The following TANC2 variants were observed in gnomAD, a reference collection of about 807,000 sequenced individuals.
TANC2 encodes tetratricopeptide repeat, ankyrin repeat and coiled-coil containing 2.
TANC2 carries 26 observed loss-of-function variants against 210.5 expected under a neutral mutation model. The ratio of observed to expected loss-of-function variants is 0.12; its 90% confidence interval spans 0.09 to 0.17. The LOEUF is 0.17. TANC2 is among the 10% of genes least tolerant of loss of function. TANC2 has a pLI of 1.00. For missense variants in TANC2, 2,129 were observed against 2,608.9 expected, an observed-to-expected ratio of 0.82 and a Z score of 4.01; for synonymous variants, 931 against 967.1, an observed-to-expected ratio of 0.96 and a Z score of 0.69.
chr17:63,381,166 A>C (rs971736060), intron 15 of TANC2: 3 of 152,220 alleles, frequency 2.0e-5, no homozygotes, highest in Middle Eastern at 6.3e-3. Context: ...AGTAGCATGA[A>C]GCTTCATTTG....
chr17:63,045,152 C>T (rs898780743), intron 2 of TANC2, among the ~76,000 whole-genome samples: 4 of 152,202 alleles, frequency 2.6e-5, no homozygotes, highest in South Asian at 2.1e-4. Flanking sequence ...GAGATACAGA[C>T]GCACTCATTT....
intron 7 of TANC2, among the ~76,000 whole-genome samples, chr17:63,219,715 A>G (rs953533773): frequency 6.6e-5 from 10 of 151,996 alleles, no homozygotes; most frequent in African/African-American, 2.4e-4. Context: ...CCAGCCCACC[A>G]TGGTTTTTAG....
At chr17:63,207,677 T>C (rs973012559) in intron 7 of TANC2, among the ~76,000 whole-genome samples, 1 of 152,212 alleles carries the variant, frequency 6.6e-6, no homozygotes, top group Non-Finnish European at 1.5e-5. Context: ...AGATTTTTGC[T>C]CTTGCAAATA....
intron 14 of TANC2, among the ~76,000 whole-genome samples, chr17:63,362,900 A>G (rs1420082074): frequency 6.6e-6 from 1 of 151,922 alleles, no homozygotes; most frequent in Non-Finnish European, 1.5e-5. Context: ...CCGTCTGTTT[A>G]CAGCTCACCC....
intron 11 of TANC2, among the ~76,000 whole-genome samples, chr17:63,321,783 G>A (rs183139507): frequency 1.3e-5 from 2 of 152,248 alleles, no homozygotes; most frequent in Admixed American, 6.5e-5. Flanking sequence ...ATTCTCTCTT[G>A]TTTAATTTCT....
chr17:63,332,495 T>C, intron 11 of TANC2: 1 of 408,306 alleles, frequency 2.4e-6, no homozygotes. Context: ...TCCTTGGGCC[T>C]CCTTTGCAAT....
intron 8 of TANC2, among the ~76,000 whole-genome samples, chr17:63,262,862 T>C (rs1352938529): frequency 1.3e-5 from 2 of 152,174 alleles, no homozygotes; most frequent in Non-Finnish European, 2.9e-5. Flanking sequence ...TGTTTTAAAA[T>C]AAGACATTAG....
chr17:63,179,310 G>A lies in TANC2; in HGVS notation c.434-14681G>A, dbSNP rs1263031711. Among the ~76,000 whole-genome samples, 3 of 152,114 alleles carry A rather than the reference G, an allele frequency of 2.0e-5. No individual in the cohort carries two copies. The East Asian group carries it at 5.8e-4, about 29-fold the overall frequency. On this transcript the variant is annotated intron_variant, in intron 5 of 27. Transcript: ENST00000689528. ...GTTTTCTTGGCAGGATGATGAAATG[G>A]TTGAGAACATAGGCTCAAGAACCAG...
At chr17:63,364,420 C>T (rs2146969405) in intron 14 of TANC2, among the ~76,000 whole-genome samples, 1 of 152,190 alleles carries the variant, frequency 6.6e-6, no homozygotes, top group East Asian at 1.9e-4. Context: ...CTTCTCCAAA[C>T]CCAGTTAAAA....
chr17:63,199,757 A>T (rs1343835837), intron 6 of TANC2, among the ~76,000 whole-genome samples: 2 of 152,232 alleles, frequency 1.3e-5, no homozygotes, highest in African/African-American at 4.8e-5. Context: ...ATATATTACC[A>T]CCAACCTTTT....
intron 4 of TANC2, chr17:63,149,798 A>G (rs2039585592): frequency 2.0e-5 from 3 of 152,152 alleles, no homozygotes. Flanking sequence ...CTCAAGTCTC[A>G]CACTCATAGC....
chr17:63,261,465 T>C (rs1328136714), intron 8 of TANC2, among the ~76,000 whole-genome samples: 2 of 152,086 alleles, frequency 1.3e-5, no homozygotes, highest in Non-Finnish European at 2.9e-5. Context: ...CAGCTGAGGC[T>C]AATACAAGGG....
chr17:62,990,274 C>G (rs955185262), intron 1 of TANC2, among the ~76,000 whole-genome samples: 111 of 151,862 alleles, frequency 7.3e-4, no homozygotes, highest in African/African-American at 2.6e-3. Flanking sequence ...GGAGAGGACA[C>G]TGAAAAAGGA....
intron 5 of TANC2, among the ~76,000 whole-genome samples, chr17:63,175,188 ATAAAGT>A (rs937791824): frequency 2.6e-5 from 4 of 152,208 alleles, no homozygotes; most frequent in Admixed American, 1.3e-4. Context: ...CAAAAGAATA[ATAAAGT>A]TAAAGGACTT....
chr17:63,183,974 G>A (rs955042328), intron 5 of TANC2, among the ~76,000 whole-genome samples: 3 of 150,606 alleles, frequency 2.0e-5, no homozygotes, highest in Non-Finnish European at 2.9e-5. Context: ...CCGAGATCGC[G>A]CCACTGCACT....
At chr17:63,062,712 T>C (rs2036039544) in intron 2 of TANC2, among the ~76,000 whole-genome samples, 1 of 152,208 alleles carries the variant, frequency 6.6e-6, no homozygotes, top group Non-Finnish European at 1.5e-5. Flanking sequence ...ATAGCTGTTT[T>C]GTTTGTTCTT....
chr17:63,309,948 A>G (rs2045061324), intron 9 of TANC2, among the ~76,000 whole-genome samples: 1 of 118,880 alleles, frequency 8.4e-6, no homozygotes. Context: ...TGTCACTGGT[A>G]AAATTTGTTA....
intron 7 of TANC2, among the ~76,000 whole-genome samples, chr17:63,220,711 A>ATATATATATATATATATATATATAT (rs1466658581): frequency 1.6e-5 from 2 of 128,740 alleles, no homozygotes; most frequent in African/African-American, 2.9e-5. Context: ...CTCAAAAAAA[A>ATATATATATATATATATATATATAT]AAAAAAAAAT....
chr17:63,261,240 A>G (rs543724435), intron 8 of TANC2, among the ~76,000 whole-genome samples: 58 of 151,952 alleles, frequency 3.8e-4, no homozygotes, highest in African/African-American at 1.3e-3. Flanking sequence ...TGACTAGTTT[A>G]TCTCAAAAAA....
Sources: allele counts gnomAD v4.1 joint callset (sites outside exome capture counted in the v4.1 genomes callset), GRCh38; gene constraint gnomAD v4.1.1; transcripts MANE v1.5; gene names NCBI Gene and HGNC (gene_info 2026-07-23, HGNC 2026-07-21).